Variants in SSX7 observed in about 807,000 individuals in gnomAD.
SSX7 encodes protein SSX7.
SSX7 carries 15 observed loss-of-function variants against 14.7 expected under a neutral mutation model. The ratio of observed to expected loss-of-function variants is 1.02; its 90% confidence interval spans 0.68 to 1.58. The LOEUF (loss-of-function observed/expected upper bound fraction) is 1.58, where lower values mean the gene tolerates loss of function less well. Ranked by LOEUF, SSX7 falls within the 40% of genes most tolerant of loss-of-function variation. The pLI, the probability that SSX7 is intolerant of heterozygous loss-of-function variation, is 0.00. For synonymous variants in SSX7, 46 were observed against 50.6 expected, an observed-to-expected ratio of 0.91 and a Z score of 0.38; for missense variants, 178 against 146.8, an observed-to-expected ratio of 1.21 and a Z score of -1.10.
intron 5 of SSX7, among the ~76,000 whole-genome samples, chrX:52,649,275 C>CT (rs1925350286): frequency 7.2e-5 from 8 of 111,402 alleles, no homozygotes; most frequent in Non-Finnish European, 3.8e-5. Flanking sequence ...GTGATCCATC[C>CT]ACCTCAGCCT....
chrX:52,648,285 A>T lies in SSX7; in HGVS notation c.442T>A (p.Ser148Thr). 2 of 1,210,673 alleles carry T rather than the reference A, an allele frequency of 1.7e-6. No individual in the cohort carries two copies. The highest frequency in any genetic ancestry group is 2.2e-6 in the Non-Finnish European group (2 of 895,173). ...HLCPPGKPST[S>T]EKINKTSGPK... Reference sequence around the variant, plus strand: ...CCGGATGTCTTGTTAATCTTCTCAGAGGTACTTGGTTTTCCTGGAGGGCAC... The same window carrying T: ...CCGGATGTCTTGTTAATCTTCTCAGTGGTACTTGGTTTTCCTGGAGGGCAC... The change falls in exon 6 of 8, where the codon TCT (serine) becomes ACT (threonine). Residue 148 changes from serine to threonine, a missense_variant. Ser to Thr is a moderately conservative substitution (Grantham distance 58). Transcript: ENST00000298181.
chrX:52,647,318 A>G (rs1925281493), intron 6 of SSX7, among the ~76,000 whole-genome samples: 1 of 112,734 alleles, frequency 8.9e-6, no homozygotes, highest in South Asian at 3.7e-4. Context: ...AGCTAAGATC[A>G]CTGTTGAAGG....
At chrX:52,646,359 G>GCTCTTAATCTACTTTTTATTCAGCT (rs1925247312) in intron 6 of SSX7, among the ~76,000 whole-genome samples, 1 of 112,536 alleles carries the variant, frequency 8.9e-6, no homozygotes. Flanking sequence ...CACGGCGCCC[G>GCTCTTAATCTACTTTTTATTCAGCT]TCCGTGTTTT....
At chrX:52,649,629 G>C (rs781851563) in intron 5 of SSX7, among the ~76,000 whole-genome samples, 1 of 111,230 alleles carries the variant, frequency 9.0e-6, no homozygotes. Context: ...TGCAGACAAG[G>C]TCCTCAAGGA....
chrX:52,648,662 A>G (rs186368808), intron 5 of SSX7, among the ~76,000 whole-genome samples: 1 of 111,902 alleles, frequency 8.9e-6, no homozygotes, highest in Non-Finnish European at 1.9e-5. Flanking sequence ...CATGCAATTG[A>G]GAGTTTGGTA....
chrX:52,650,259 T>G, intron 5 of SSX7, 94 bp downstream of exon 5: 1 of 1,080,037 alleles, frequency 9.3e-7, no homozygotes, highest in East Asian at 3.0e-5. Flanking sequence ...AAGGAGGCAG[T>G]GAGGGCATTT....
chrX:52,653,095 G>A (rs1925494622), intron 2 of SSX7, 111 bp from the exon 3 acceptor site: 2 of 1,170,064 alleles, frequency 1.7e-6, no homozygotes, highest in Admixed American at 4.8e-5. Flanking sequence ...TGATGCCATG[G>A]CTAACCGACA....
At chrX:52,645,405 A>G (rs782440304) in intron 7 of SSX7, 34 bp downstream of exon 7, 44 of 1,205,203 alleles carry the variant, frequency 3.7e-5, no homozygotes, top group South Asian at 2.1e-4. Flanking sequence ...CCACATCTGC[A>G]GGGATGTGGG....
chrX:52,650,518 G>A (rs1925393713), intron 4 of SSX7, 116 bp from the exon 5 acceptor site: 3 of 846,326 alleles, frequency 3.5e-6, no homozygotes, highest in Non-Finnish European at 5.1e-6. Context: ...CATTGTTGAG[G>A]AGTTATTTCA....
At chrX:52,651,149 G>C (rs1400407565) in intron 4 of SSX7, among the ~76,000 whole-genome samples, 5 of 111,966 alleles carry the variant, frequency 4.5e-5, no homozygotes, top group African/African-American at 1.3e-4. Context: ...AGCTCTCTCT[G>C]TGTGTTGGAT....
intron 1 of SSX7, among the ~76,000 whole-genome samples, chrX:52,654,369 T>TTG (rs1207307242): frequency 2.3e-5 from 2 of 85,507 alleles, no homozygotes; most frequent in African/African-American, 4.2e-5. Flanking sequence ...AGTGAGTTTT[T>TTG]TTTTTTTTTT....
At chrX:52,652,166 A>G in intron 4 of SSX7, 86 bp downstream of exon 4, 2 of 844,869 alleles carry the variant, frequency 2.4e-6, no homozygotes, top group Non-Finnish European at 3.5e-6. Context: ...TGAGGGAACA[A>G]ATGCCTGAGG....
At chrX:52,647,184 T>C (rs183707975) in intron 6 of SSX7, among the ~76,000 whole-genome samples, 3 of 111,543 alleles carry the variant, frequency 2.7e-5, no homozygotes, top group East Asian at 2.8e-4. Context: ...GCAGGAGAAA[T>C]GTGTGAAGCT....
chrX:52,651,209 G>C (rs1257656368), intron 4 of SSX7, among the ~76,000 whole-genome samples: 2 of 111,556 alleles, frequency 1.8e-5, no homozygotes, highest in African/African-American at 6.5e-5. Flanking sequence ...GGAGAATCAG[G>C]GTTCTTTGGG....
chrX:52,645,051 C>T (rs1158425936), intron 7 of SSX7, among the ~76,000 whole-genome samples: 7 of 110,864 alleles, frequency 6.3e-5, no homozygotes, highest in African/African-American at 2.3e-4. Context: ...GGGCGGATCA[C>T]GAGGTCAGGA....
At chrX:52,651,230 C>T (rs782815709) in intron 4 of SSX7, among the ~76,000 whole-genome samples, 1 of 111,805 alleles carries the variant, frequency 8.9e-6, no homozygotes, top group East Asian at 2.8e-4. Flanking sequence ...AATGAAAAGA[C>T]TATTTGGCTC....
intron 7 of SSX7, 119 bp from the exon 8 acceptor site, chrX:52,644,789 C>T (rs1601972417): frequency 1.3e-6 from 1 of 769,660 alleles, no homozygotes; most frequent in African/African-American, 2.0e-5. Context: ...TACCCCAGGA[C>T]CTGCACACGC....
At chrX:52,650,789 T>C (rs1468569272) in intron 4 of SSX7, among the ~76,000 whole-genome samples, 1 of 112,404 alleles carries the variant, frequency 8.9e-6, no homozygotes, top group East Asian at 2.8e-4. Context: ...AATTAAGCTG[T>C]TAAATGTGTG....
intron 1 of SSX7, 36 bp from the exon 2 acceptor site, chrX:52,653,528 G>A (rs1431421751): frequency 8.3e-7 from 1 of 1,203,881 alleles, no homozygotes; most frequent in East Asian, 3.0e-5. Flanking sequence ...TCCAGCCACA[G>A]CAGCTTTGGT....
Sources: gnomAD v4.1 joint callset for allele counts (sites outside exome capture counted in the v4.1 genomes callset) on GRCh38, gnomAD v4.1.1 for gene constraint, MANE v1.5 for transcripts, NCBI Gene and HGNC (gene_info 2026-07-23, HGNC 2026-07-21) for gene names.